SLC25A30: variants seen among roughly 807,000 people sequenced by gnomAD.
The protein encoded by SLC25A30 is solute carrier family 25 member 30.
SLC25A30 carries 29 observed loss-of-function variants against 42.7 expected under a neutral mutation model. The ratio of observed to expected loss-of-function variants is 0.68; its 90% CI spans 0.51 to 0.93. SLC25A30 has a LOEUF of 0.93. Among genes scored for constraint, SLC25A30 ranks in the 40% least tolerant of loss-of-function variants. The pLI is 0.00. For missense variants in SLC25A30, 300 were observed against 359.7 expected (o/e 0.83, Z 1.34); for synonymous variants, 124 against 131.0 (o/e 0.95, Z 0.37).
upstream of SLC25A30, among the ~76,000 whole-genome samples, chr13:45,419,589 C>G (rs1883824945): frequency 6.6e-6 from 1 of 151,204 alleles, no homozygotes; most frequent in African/African-American, 2.4e-5. Flanking sequence ...AAAGTGCTGC[C>G]ATTACAGGTG....
chr13:45,420,859 C>T (rs538477169), upstream of SLC25A30, among the ~76,000 whole-genome samples: 10 of 152,110 alleles, frequency 6.6e-5, no homozygotes, highest in African/African-American at 2.4e-4. Context: ...AGCCACCATG[C>T]CTGGCCAAAG....
At chr13:45,423,427 A>C (rs533268791), upstream of SLC25A30, among the ~76,000 whole-genome samples, 199 of 146,422 alleles carry the variant, frequency 1.4e-3, no homozygotes, top group Non-Finnish European at 2.4e-3. Context: ...TTTAATTTTT[A>C]TGCCCAAGGG....
intron 9 of SLC25A30, chr13:45,396,323 TGAGAGA>T (rs138488525): frequency 1.5e-5 from 17 of 1,163,862 alleles, no homozygotes; most frequent in East Asian, 8.2e-5. Flanking sequence ...TGTAAGCTTT[TGAGAGA>T]GAGAGAGAGA....
the SLC25A30 span, among the ~76,000 whole-genome samples, chr13:45,431,673 C>T: frequency 6.6e-6 from 1 of 151,848 alleles, no homozygotes; most frequent in African/African-American, 2.4e-5. Context: ...CGTGAGCCAC[C>T]GCACCCAGCC....
intron 5 of SLC25A30, chr13:45,402,655 A>T: frequency 1.8e-6 from 1 of 567,124 alleles, no homozygotes; most frequent in Non-Finnish European, 2.2e-6. Context: ...TTTGTGAAAA[A>T]AGTCTTTCTA....
chr13:45,425,650 AAG>A, the SLC25A30 span, among the ~76,000 whole-genome samples: 1 of 107,124 alleles, frequency 9.3e-6, no homozygotes, highest in African/African-American at 3.1e-5. Flanking sequence ...ATATATATAT[AAG>A]TATATATAAA....
chr13:45,425,524 ATAAATATG>A, the SLC25A30 span, among the ~76,000 whole-genome samples: 1 of 97,530 alleles, frequency 1.0e-5, no homozygotes, highest in African/African-American at 3.8e-5. Context: ...AAGCATATAT[ATAAATATG>A]TATAAGTATA....
At chr13:45,424,642 C>CATAAACATATATAAATATAT in the SLC25A30 span, among the ~76,000 whole-genome samples, 1 of 29,536 alleles carries the variant, frequency 3.4e-5, no homozygotes, top group African/African-American at 1.1e-4. Context: ...TGTATATAAA[C>CATAAACATATATAAATATAT]ATAAATATAT....
rs911366342 is a variant in SLC25A30 at position 45,394,167 on chromosome 13, G to A, written c.*1807C>T. ...TGAATGAGCTCTGGGGTCCTCTGCT[G>A]CCCTCTAGGGTTGCCCAGGGAGAGC... On this transcript the variant is annotated 3_prime_UTR_variant, in exon 10 of 10. Transcript: ENST00000519676. The A allele has an allele frequency of 1.4e-5, 14 of 985,210 alleles. No homozygotes were observed. The highest frequency in any genetic ancestry group is 1.4e-5 in the Non-Finnish European group (12 of 829,912). The allele number at this position is 985,210 out of a possible 1,614,324, so 61.0% of individuals were successfully genotyped here.
At chr13:45,432,129 G>T in the SLC25A30 span, among the ~76,000 whole-genome samples, 1 of 151,812 alleles carries the variant, frequency 6.6e-6, no homozygotes, top group African/African-American at 2.4e-5. Flanking sequence ...AACAAACCGG[G>T]CATGGTAGTG....
the SLC25A30 span, among the ~76,000 whole-genome samples, chr13:45,433,490 A>G: frequency 1.3e-5 from 2 of 152,190 alleles, no homozygotes; most frequent in African/African-American, 4.8e-5. Context: ...CTGGTTTAGG[A>G]ATTGGAAAAT....
rs534090836 is a variant in SLC25A30, at chr13:45,394,188, A to G, written c.*1786T>C. Reference sequence around the variant, plus strand: ...TGCTGCCCTCTAGGGTTGCCCAGGGAGAGCTGGACTTTCATCTGAGTCTCA... The same window carrying G: ...TGCTGCCCTCTAGGGTTGCCCAGGGGGAGCTGGACTTTCATCTGAGTCTCA... On this transcript the variant is annotated 3_prime_UTR_variant, in exon 10 of 10. Transcript: ENST00000519676. The G allele has an allele frequency of 5.1e-4, 503 of 985,240 alleles. No homozygotes were observed. The highest frequency in any genetic ancestry group is 5.8e-4 in the Non-Finnish European group (481 of 829,936). 61.0% of individuals were successfully genotyped at this position (985,240 alleles called of 1,614,324 possible). A position where few individuals can be genotyped will look rare whatever the true frequency, so the allele number is the denominator to read the frequency against.
At chr13:45,429,364 C>T in the SLC25A30 span, among the ~76,000 whole-genome samples, 1 of 151,878 alleles carries the variant, frequency 6.6e-6, no homozygotes, top group Non-Finnish European at 1.5e-5. Flanking sequence ...CCACCACACC[C>T]GACAGGTGCA....
the SLC25A30 span, among the ~76,000 whole-genome samples, chr13:45,425,092 A>C: frequency 2.1e-4 from 1 of 4,676 alleles, no homozygotes; most frequent in South Asian, 2.8e-3. Flanking sequence ...ATATATAAAT[A>C]TATTTATAAA....
chr13:45,395,671 C>T lies in SLC25A30; in HGVS notation c.*303G>A, dbSNP rs754906964. On this transcript the variant is annotated 3_prime_UTR_variant, in exon 10 of 10. Transcript: ENST00000519676. ...ACTCTCCCTGAATAAAACAATACAT[C>T]GCTCCTGATTTTCTTGCAAGTTTTC... The T allele has an allele frequency of 3.1e-6, 4 of 1,270,220 alleles. No individual in the cohort carries two copies. The highest frequency in any genetic ancestry group is 1.7e-5 in the South Asian group (1 of 60,186). 78.7% of individuals were successfully genotyped at this position (1,270,220 alleles called of 1,614,324 possible).
the SLC25A30 span, among the ~76,000 whole-genome samples, chr13:45,430,213 G>T: frequency 6.6e-6 from 1 of 151,876 alleles, no homozygotes; most frequent in Admixed American, 6.6e-5. Context: ...CAAAATATGT[G>T]ATGTAATTAT....
intron 5 of SLC25A30, among the ~76,000 whole-genome samples, chr13:45,403,201 A>G (rs1268321717): frequency 6.6e-6 from 1 of 152,192 alleles, no homozygotes; most frequent in Admixed American, 6.6e-5. Context: ...ACTTATGGCA[A>G]AGGTACCTTG....
chr13:45,405,890 G>A lies in SLC25A30; in HGVS notation c.300C>T (p.Arg100=), dbSNP rs763809425. ...YQSLKRLFIE[R]PEDETLPINV... ...AACAGATTCCCCACTCACCTTCTGG[G>A]CGTTCAATGAATAGTCGCTTCAAGC... The change falls in exon 4 of 10, where the codon CGC becomes CGT. Residue 100 remains arginine (R), a synonymous_variant. Transcript: ENST00000519676. The A allele has an allele frequency of 3.1e-6, 5 of 1,613,916 alleles. No homozygotes were observed. In the South Asian group the frequency reaches 5.5e-5, roughly 18 times the overall value.
Position 45,393,576 on chromosome 13 carries a change from A to C in SLC25A30, c.*2398T>G. 1.0e-6 allele frequency: 1 copy of C among 985,472 alleles called. No individual in the cohort carries two copies. The highest frequency in any genetic ancestry group is 1.2e-6 in the Non-Finnish European group (1 of 829,934). 61.0% of individuals were successfully genotyped at this position (985,472 alleles called of 1,614,324 possible). A position where few individuals can be genotyped will look rare whatever the true frequency, so the allele number is the denominator to read the frequency against. ...CAAACAAAAAAACCCATTGGTTATAAAAACTAGAATTCCTTTTGGCATATT... is the reference window on the plus strand; with the variant it reads ...CAAACAAAAAAACCCATTGGTTATACAAACTAGAATTCCTTTTGGCATATT... On this transcript the variant is annotated 3_prime_UTR_variant, in exon 10 of 10. Transcript: ENST00000519676.
Sources: gnomAD v4.1 joint callset for allele counts (sites outside exome capture counted in the v4.1 genomes callset) on GRCh38, gnomAD v4.1.1 for gene constraint, MANE v1.5 for transcripts, NCBI Gene and HGNC (gene_info 2026-07-23, HGNC 2026-07-21) for gene names.